Variants in FRYL observed in about 807,000 individuals in gnomAD.
FRYL encodes protein furry homolog-like.
In FRYL, 150 loss-of-function variants were observed where a neutral mutation model predicts 351.2. That is an observed-to-expected ratio of 0.43 (90% CI 0.37 to 0.49). FRYL has a LOEUF of 0.49. Among genes scored for constraint, FRYL ranks in the 20% least tolerant of loss-of-function variants. The pLI is 0.00. For synonymous variants in FRYL, 1,153 were observed against 1,257.1 expected, an observed-to-expected ratio of 0.92 and a Z score of 1.75; for missense variants, 3,036 against 3,619.3, an observed-to-expected ratio of 0.84 and a Z score of 4.13.
chr4:48,556,207 T>C (rs1456433702), intron 35 of FRYL, among the ~76,000 whole-genome samples: 1 of 152,222 alleles, frequency 6.6e-6, no homozygotes, highest in Non-Finnish European at 1.5e-5. Context: ...TAAGAACTTT[T>C]AGATAACATT....
chr4:48,654,274 A>C (rs1006461232), intron 3 of FRYL, among the ~76,000 whole-genome samples: 4 of 151,318 alleles, frequency 2.6e-5, no homozygotes, highest in African/African-American at 9.7e-5. Context: ...TAAAATCTTT[A>C]AATCTTTTCC....
At chr4:48,634,063 C>T (rs572063897) in intron 4 of FRYL, among the ~76,000 whole-genome samples, 4 of 152,228 alleles carry the variant, frequency 2.6e-5, no homozygotes, top group African/African-American at 9.6e-5. Context: ...TCCTTTATTT[C>T]CTATGTTTTA....
intron 1 of FRYL, among the ~76,000 whole-genome samples, chr4:48,772,679 CAAAAAA>C (rs33926702): frequency 4.8e-4 from 24 of 50,300 alleles, no homozygotes; most frequent in Non-Finnish European, 3.8e-4. Context: ...AGAGACCTAC[CAAAAAA>C]AAAAAAAAAA....
chr4:48,687,159 A>C (rs1413220376), intron 2 of FRYL, among the ~76,000 whole-genome samples: 1 of 152,102 alleles, frequency 6.6e-6, no homozygotes, highest in Admixed American at 6.5e-5. Flanking sequence ...AGAACATTTT[A>C]TCTGTAAAGG....
At chr4:48,623,208 A>G (rs767203826) in intron 4 of FRYL, 29 bp from the exon 5 acceptor site, 11 of 1,169,960 alleles carry the variant, frequency 9.4e-6, no homozygotes, top group Middle Eastern at 2.3e-4. Flanking sequence ...AACATTAAAA[A>G]TAAAAATAAA....
At chr4:48,518,471 T>C (rs1315248799) in intron 55 of FRYL, among the ~76,000 whole-genome samples, 2 of 152,206 alleles carry the variant, frequency 1.3e-5, no homozygotes, top group African/African-American at 2.4e-5. Flanking sequence ...CTGCAAGCTC[T>C]ATGTGTCAGG....
intron 1 of FRYL, among the ~76,000 whole-genome samples, chr4:48,725,691 A>T (rs1769997456): frequency 6.6e-6 from 1 of 152,154 alleles, no homozygotes; most frequent in Non-Finnish European, 1.5e-5. Flanking sequence ...CAGTTATCAG[A>T]TCCACTCTCG....
intron 10 of FRYL, 37 bp downstream of exon 10, chr4:48,606,401 G>A (rs1312948197): frequency 9.2e-6 from 13 of 1,408,046 alleles, no homozygotes; most frequent in East Asian, 4.6e-5. Context: ...GGACTGTTAG[G>A]CTTGCTCTAT....
At chr4:48,711,111 C>T (rs1303218683) in intron 1 of FRYL, among the ~76,000 whole-genome samples, 11 of 152,162 alleles carry the variant, frequency 7.2e-5, no homozygotes, top group Admixed American at 1.3e-4. Flanking sequence ...GGAACAGCTC[C>T]GGTCTACAGC....
At chr4:48,674,018 C>A (rs1043899025) in intron 3 of FRYL, among the ~76,000 whole-genome samples, 2 of 152,130 alleles carry the variant, frequency 1.3e-5, no homozygotes, top group African/African-American at 4.8e-5. Flanking sequence ...TATATATCTT[C>A]TTCTGTTAAA....
intron 2 of FRYL, among the ~76,000 whole-genome samples, chr4:48,688,769 TCTC>T (rs1307046422): frequency 6.6e-6 from 1 of 151,396 alleles, no homozygotes; most frequent in Non-Finnish European, 1.5e-5. Flanking sequence ...TTCAAGTGAT[TCTC>T]CTACCTCAGC....
intron 41 of FRYL, chr4:48,546,902 A>G (rs1731483334): frequency 6.6e-6 from 1 of 152,490 alleles, no homozygotes; most frequent in South Asian, 2.1e-4. Flanking sequence ...TTTCCTAACT[A>G]TAGGATTTTA....
intron 4 of FRYL, among the ~76,000 whole-genome samples, chr4:48,633,627 T>C (rs965421554): frequency 6.6e-6 from 1 of 152,214 alleles, no homozygotes; most frequent in Non-Finnish European, 1.5e-5. Context: ...AGAGCATCTT[T>C]AACCCTTAAC....
intron 1 of FRYL, among the ~76,000 whole-genome samples, chr4:48,715,485 A>AGC (rs1560306336): frequency 1.3e-5 from 2 of 151,682 alleles, no homozygotes; most frequent in African/African-American, 2.4e-5. Flanking sequence ...AATAACAGAC[A>AGC]AACAGAGAGC....
chr4:48,596,191 C>A (rs1325422403), intron 13 of FRYL, among the ~76,000 whole-genome samples, 191 bp from the exon 14 acceptor site: 27 of 149,394 alleles, frequency 1.8e-4, no homozygotes, highest in Admixed American at 1.8e-3. Flanking sequence ...AAATTGAGCC[C>A]TTTCTTACAC....
At chr4:48,583,410 C>A (rs1480163339) in intron 19 of FRYL, among the ~76,000 whole-genome samples, 1 of 152,118 alleles carries the variant, frequency 6.6e-6, no homozygotes. Flanking sequence ...CTCGGCCTCC[C>A]AAAGTGCTGG....
At chr4:48,773,671 A>C (rs903711583) in intron 1 of FRYL, among the ~76,000 whole-genome samples, 1 of 152,214 alleles carries the variant, frequency 6.6e-6, no homozygotes, top group African/African-American at 2.4e-5. Flanking sequence ...CACACCTGTA[A>C]TCCCAGCACT....
intron 55 of FRYL, among the ~76,000 whole-genome samples, chr4:48,516,607 C>CA (rs1160219025): frequency 6.6e-6 from 1 of 152,140 alleles, no homozygotes; most frequent in Non-Finnish European, 1.5e-5. Flanking sequence ...AAGAGAAAGT[C>CA]AGAGCCTATA....
intron 55 of FRYL, among the ~76,000 whole-genome samples, chr4:48,517,316 A>G (rs955518589): frequency 1.3e-4 from 20 of 152,150 alleles, no homozygotes; most frequent in African/African-American, 4.3e-4. Flanking sequence ...CTCACTTTTC[A>G]TTAGTTCACA....
Sources: allele counts gnomAD v4.1 joint callset (sites outside exome capture counted in the v4.1 genomes callset), GRCh38; gene constraint gnomAD v4.1.1; transcripts MANE v1.5; gene names NCBI Gene and HGNC (gene_info 2026-07-23, HGNC 2026-07-21).